Variants in MYDGF observed in about 807,000 individuals in gnomAD.
MYDGF encodes the protein myeloid derived growth factor.
A neutral mutation model predicts 24.2 loss-of-function variants in MYDGF; 29 were observed. That is an observed-to-expected ratio of 1.20 (90% confidence interval 0.89 to 1.63). The LOEUF (loss-of-function observed/expected upper bound fraction) is 1.63, where lower values mean the gene tolerates loss of function less well. MYDGF is among the 40% of genes most tolerant of loss of function. The pLI is 0.00. For missense variants in MYDGF, 245 were observed against 234.8 expected (o/e 1.04, Z -0.29); for synonymous variants, 105 against 102.5 (o/e 1.02, Z -0.15).
chr19:4,660,035 G>A (rs1196738395), intron 4 of MYDGF, 32 bp from the exon 5 acceptor site: 1 of 1,580,562 alleles, frequency 6.3e-7, no homozygotes, highest in South Asian at 1.1e-5. Context: ...CTTTACCAGG[G>A]CCAGTTCAAT....
intron 3 of MYDGF, among the ~76,000 whole-genome samples, chr19:4,661,806 G>A (rs935231170): frequency 6.6e-6 from 1 of 152,118 alleles, no homozygotes; most frequent in African/African-American, 2.4e-5. Flanking sequence ...CAGGTCTCCG[G>A]GGCTGAGCAT....
intron 2 of MYDGF, among the ~76,000 whole-genome samples, chr19:4,667,508 G>A (rs2088530942): frequency 6.6e-6 from 1 of 152,102 alleles, no homozygotes; most frequent in African/African-American, 2.4e-5. Context: ...CTGACTTCAG[G>A]TGATTCGCCA....
At chr19:4,660,058 G>C in intron 4 of MYDGF, 55 bp from the exon 5 acceptor site, 1 of 1,490,192 alleles carries the variant, frequency 6.7e-7, no homozygotes, top group Non-Finnish European at 9.3e-7. Context: ...TCATCATTAG[G>C]AAAACGATTG....
At chr19:4,658,267 T>C (rs1016157295) in intron 5 of MYDGF, among the ~76,000 whole-genome samples, 183 bp from the exon 6 acceptor site, 3 of 152,048 alleles carry the variant, frequency 2.0e-5, no homozygotes, top group Non-Finnish European at 2.9e-5. Context: ...AAAACAGTGA[T>C]GTGGAGGGTA....
chr19:4,660,874 A>G, intron 3 of MYDGF, 124 bp from the exon 4 acceptor site: 1 of 617,370 alleles, frequency 1.6e-6, no homozygotes, highest in Non-Finnish European at 2.7e-6. Flanking sequence ...GCTTCTCAAC[A>G]TGGACGCCAT....
At chr19:4,665,627 C>T (rs1313830868) in intron 2 of MYDGF, among the ~76,000 whole-genome samples, 19 of 151,590 alleles carry the variant, frequency 1.3e-4, no homozygotes, top group Admixed American at 1.2e-3. Flanking sequence ...CAAGACCATC[C>T]TGGCTAACAT....
intron 3 of MYDGF, among the ~76,000 whole-genome samples, chr19:4,663,499 G>A: frequency 1.8e-5 from 1 of 54,208 alleles, no homozygotes; most frequent in Non-Finnish European, 3.3e-5. Context: ...CCTCCAACCT[G>A]TGCACTCTCC....
intron 1 of MYDGF, 88 bp downstream of exon 1, chr19:4,670,073 C>T: frequency 7.5e-7 from 1 of 1,334,866 alleles, no homozygotes; most frequent in Non-Finnish European, 9.7e-7. Context: ...GCGGTCCGCG[C>T]CCCCTCCTCG....
At chr19:4,668,743 A>G (rs2088539853) in intron 1 of MYDGF, 98 bp from the exon 2 acceptor site, 2 of 1,000,556 alleles carry the variant, frequency 2.0e-6, no homozygotes, top group African/African-American at 3.2e-5. Context: ...GTGCAGGGGC[A>G]CAATGACAGC....
chr19:4,659,742 C>A, intron 5 of MYDGF, 189 bp downstream of exon 5: 1 of 629,456 alleles, frequency 1.6e-6, no homozygotes. Flanking sequence ...AATGGCACAG[C>A]TCTAGACAGA....
In MYDGF at chr19:4,670,326, C is replaced by A. The variant is rs1420774449; in HGVS notation, c.9G>T (p.Ala3=). 6.9e-6 allele frequency: 10 copies of A among 1,457,522 alleles called. No individual in the cohort carries two copies. The highest frequency in any genetic ancestry group is 1.4e-5 in the South Asian group (1 of 73,380). 90.3% of individuals were successfully genotyped at this position (1,457,522 alleles called of 1,614,324 possible). Residue 3 remains alanine (A), a synonymous_variant, in exon 1 of 6, where the codon GCG becomes GCT. Transcript: ENST00000262947. MA[A]PSGGWNGVGA... ...CGACGCCGTTCCACCCTCCGCTGGG[C>A]GCCGCCATGTTGGACTAGGGTCCTC...
chr19:4,659,877 C>G (rs758169573), intron 5 of MYDGF, 54 bp downstream of exon 5: 8 of 1,550,454 alleles, frequency 5.2e-6, no homozygotes, highest in Middle Eastern at 3.4e-4. Flanking sequence ...GCCCCGATTG[C>G]CCACCCTTGG....
chr19:4,662,792 G>A (rs892581354), intron 3 of MYDGF, among the ~76,000 whole-genome samples: 106 of 151,928 alleles, frequency 7.0e-4, no homozygotes, highest in Non-Finnish European at 1.2e-3. Context: ...CACATTCCCC[G>A]GGAGATAGCA....
chr19:4,663,427 C>T (rs1424202828), intron 3 of MYDGF, among the ~76,000 whole-genome samples: 2 of 144,032 alleles, frequency 1.4e-5, no homozygotes, highest in East Asian at 2.1e-4. Flanking sequence ...CCTCTCCACC[C>T]ACCCCATCCT....
chr19:4,666,307 G>A (rs949241355), intron 2 of MYDGF, among the ~76,000 whole-genome samples: 6 of 146,014 alleles, frequency 4.1e-5, no homozygotes, highest in Admixed American at 7.0e-5. Flanking sequence ...ATGGAGTCTC[G>A]CTCTGTCACC....
rs139398108 is a variant in MYDGF, at chr19:4,658,409, G to T, written c.443-325C>A. On this transcript the variant is annotated intron_variant, in intron 5 of 5. Coordinates refer to ENST00000262947, the MANE Select transcript of MYDGF (RefSeq NM_019107.4). ...AAGGGGCCAGAAGAAGCCCAGGAAG[G>T]AGATGATCCCGGCCTGAACAGGATG... is the stretch of plus-strand genomic sequence containing the variant. Among the ~76,000 whole-genome samples, 13 of 152,310 alleles carry T rather than the reference G, an allele frequency of 8.5e-5. No homozygotes were observed. In the East Asian group the frequency reaches 2.5e-3, roughly 29 times the overall value.
intron 1 of MYDGF, among the ~76,000 whole-genome samples, chr19:4,669,435 A>G (rs945437708): frequency 1.3e-5 from 2 of 152,130 alleles, no homozygotes; most frequent in African/African-American, 4.8e-5. Flanking sequence ...TGGGCGACAG[A>G]GTGAGGCTCC....
intron 2 of MYDGF, among the ~76,000 whole-genome samples, chr19:4,665,770 G>C (rs1599839331): frequency 7.5e-6 from 1 of 133,988 alleles, no homozygotes; most frequent in East Asian, 2.3e-4. Context: ...GCAGTGAGCT[G>C]AGATCGCGCC....
At chr19:4,660,551 G>A (rs2088461573) in intron 4 of MYDGF, 118 bp downstream of exon 4, 1 of 961,830 alleles carries the variant, frequency 1.0e-6, no homozygotes, top group Non-Finnish European at 1.6e-6. Context: ...TACCTCTGCA[G>A]GATTCGCTGT....
Sources: allele counts gnomAD v4.1 joint callset (sites outside exome capture counted in the v4.1 genomes callset), GRCh38; gene constraint gnomAD v4.1.1; transcripts MANE v1.5; gene names NCBI Gene and HGNC (gene_info 2026-07-23, HGNC 2026-07-21).